TSPAN11: variants seen among roughly 807,000 people sequenced by gnomAD.
The protein encoded by TSPAN11 is tetraspanin 11.
A neutral mutation model predicts 32.9 loss-of-function variants in TSPAN11; 29 were observed. That is an observed-to-expected ratio of 0.88 (90% CI 0.66 to 1.20). The LOEUF (loss-of-function observed/expected upper bound fraction) is 1.20. Among genes scored for constraint, TSPAN11 ranks in the 50% most tolerant of loss-of-function variants. The probability of loss-of-function intolerance (pLI) is 0.00; values close to 1 mark genes in which losing one functional copy is unlikely to be tolerated. For missense variants in TSPAN11, 283 were observed against 329.1 expected, an observed-to-expected ratio of 0.86 and a Z score of 1.08; for synonymous variants, 140 against 141.3, an observed-to-expected ratio of 0.99 and a Z score of 0.07.
intron 7 of TSPAN11, among the ~76,000 whole-genome samples, chr12:30,985,091 T>A (rs1036818332): frequency 1.3e-5 from 2 of 152,032 alleles, no homozygotes; most frequent in Non-Finnish European, 2.9e-5. Flanking sequence ...ACCCACATCA[T>A]CTGTGGGCCT....
chr12:30,936,360 T>A (rs927995604), intron 1 of TSPAN11, among the ~76,000 whole-genome samples: 7 of 152,230 alleles, frequency 4.6e-5, no homozygotes, highest in Non-Finnish European at 1.0e-4. Context: ...TTTTCTTCAT[T>A]CTTTTTCTTT....
At chr12:30,998,569 G>A (rs367625873), downstream of TSPAN11, among the ~76,000 whole-genome samples, 12 of 152,258 alleles carry the variant, frequency 7.9e-5, no homozygotes, top group African/African-American at 2.9e-4. Context: ...GGCTTGAGCA[G>A]AAAGGGGAGG....
intron 3 of TSPAN11, among the ~76,000 whole-genome samples, chr12:30,969,463 T>A (rs539107564): frequency 1.3e-5 from 2 of 152,230 alleles, no homozygotes; most frequent in Non-Finnish European, 2.9e-5. Flanking sequence ...GCGTGGCTTA[T>A]GCAGTGCAGG....
At chr12:30,937,067 G>A (rs959214079) in intron 1 of TSPAN11, among the ~76,000 whole-genome samples, 1 of 152,172 alleles carries the variant, frequency 6.6e-6, no homozygotes, top group Admixed American at 6.5e-5. Flanking sequence ...GGGGAGAGAA[G>A]GCTTCAAAAG....
At chr12:31,003,193 G>A in the TSPAN11 span, among the ~76,000 whole-genome samples, 1 of 152,256 alleles carries the variant, frequency 6.6e-6, no homozygotes, top group South Asian at 2.1e-4. Context: ...CTGCCCCAAT[G>A]AGATCATAGT....
At chr12:30,976,620 C>T (rs1357542380) in intron 3 of TSPAN11, among the ~76,000 whole-genome samples, 1 of 152,206 alleles carries the variant, frequency 6.6e-6, no homozygotes, top group African/African-American at 2.4e-5. Flanking sequence ...CAACCACACT[C>T]CTCCCCAGGG....
At chr12:30,953,957 C>T in intron 1 of TSPAN11, 24 bp from the exon 2 acceptor site, 1 of 1,580,592 alleles carries the variant, frequency 6.3e-7, no homozygotes, top group Non-Finnish European at 8.7e-7. Flanking sequence ...ATTCCCCGGC[C>T]CAGCATATGT....
At chr12:30,946,603 C>A (rs1565790759) in intron 1 of TSPAN11, among the ~76,000 whole-genome samples, 1 of 152,180 alleles carries the variant, frequency 6.6e-6, no homozygotes, top group Non-Finnish European at 1.5e-5. Context: ...TTCCTGGGCA[C>A]CGGGTGCTGC....
chr12:30,981,344 A>C (rs749240969), intron 5 of TSPAN11, among the ~76,000 whole-genome samples: 1 of 152,236 alleles, frequency 6.6e-6, no homozygotes, highest in Non-Finnish European at 1.5e-5. Context: ...TGGTGGAAGC[A>C]GGTGTCTCTC....
chr12:30,945,247 A>T (rs1938243451), intron 1 of TSPAN11, among the ~76,000 whole-genome samples: 2 of 151,976 alleles, frequency 1.3e-5, no homozygotes, highest in South Asian at 4.2e-4. Context: ...TTATCAACAC[A>T]GGCCAGCATC....
At chr12:30,986,714 A>G (rs1024862373) in intron 7 of TSPAN11, 7 of 152,376 alleles carry the variant, frequency 4.6e-5, no homozygotes, top group African/African-American at 1.7e-4. Context: ...TAAGCAGAAT[A>G]TTTAATGAAG....
At position 30,983,220 on chromosome 12, in the gene TSPAN11, C is replaced by T. The variant is rs1244355515; in HGVS notation, c.702+70C>T. On this transcript the variant is annotated intron_variant, in intron 7 of 7. Coordinates refer to ENST00000546076, the MANE Select transcript of TSPAN11 (RefSeq NM_001370302.1). The stretch of plus-strand genomic sequence containing the variant: ...CCCCTCTCCCATTGACACAGGTCTT[C>T]AGTAACCACCTGGGCTGAAATAACT... 4 of 1,445,244 alleles carry T rather than the reference C, an allele frequency of 2.8e-6. No homozygotes were observed. The East Asian group carries it at 7.1e-5, about 26-fold the overall frequency. The allele number at this position is 1,445,244 out of a possible 1,614,324, so 89.5% of individuals were successfully genotyped here.
chr12:30,970,844 TTCTG>T (rs1938834423), intron 3 of TSPAN11, among the ~76,000 whole-genome samples: 1 of 152,202 alleles, frequency 6.6e-6, no homozygotes, highest in South Asian at 2.1e-4. Flanking sequence ...ATCCTCTCTT[TTCTG>T]CACAAATGGG....
At chr12:30,990,542 A>G (rs1201769353) in intron 7 of TSPAN11, among the ~76,000 whole-genome samples, 2 of 152,230 alleles carry the variant, frequency 1.3e-5, no homozygotes, top group East Asian at 3.8e-4. Context: ...CTGAGGCCCC[A>G]GGTGGATTAA....
intron 1 of TSPAN11, among the ~76,000 whole-genome samples, chr12:30,940,426 C>G (rs1201029812): frequency 6.6e-6 from 1 of 152,156 alleles, no homozygotes; most frequent in Non-Finnish European, 1.5e-5. Flanking sequence ...GGGCATGCCT[C>G]AGACTTCATT....
In TSPAN11 at chr12:30,982,630, C is replaced by T. The variant is rs1939116069; in HGVS notation, c.555C>T (p.Cys185=). 1.2e-6 allele frequency: 2 copies of T among 1,612,318 alleles called. No homozygotes were observed. The highest frequency in any genetic ancestry group is 4.5e-5 in the East Asian group (2 of 44,840). Residue 185 remains cysteine, a synonymous_variant, in exon 6 of 8, where the codon TGC becomes TGT. Coordinates refer to ENST00000546076, the MANE Select transcript of TSPAN11 (RefSeq NM_001370302.1). ...AEGRQVPDSC[C]KTVVVRCGQR... is the part of the protein sequence containing the mutation. ...GCCGCCAGGTGCCCGACAGCTGCTG[C>T]AAGACAGTGGTGGTGCGCTGCGGCC...
intron 1 of TSPAN11, among the ~76,000 whole-genome samples, chr12:30,950,063 A>G (rs1182826248): frequency 6.6e-6 from 1 of 151,762 alleles, no homozygotes; most frequent in East Asian, 1.9e-4. Context: ...CCTCCTCTCT[A>G]TGCTGTTCAG....
chr12:31,009,524 G>A, the TSPAN11 span, among the ~76,000 whole-genome samples: 1 of 152,186 alleles, frequency 6.6e-6, no homozygotes, highest in Non-Finnish European at 1.5e-5. Context: ...GATATGGGCT[G>A]TGTGAGCCAT....
At chr12:30,971,196 A>G (rs920876463) in intron 3 of TSPAN11, among the ~76,000 whole-genome samples, 1 of 152,198 alleles carries the variant, frequency 6.6e-6, no homozygotes, top group Non-Finnish European at 1.5e-5. Flanking sequence ...AGGAAGCTTC[A>G]CAAACCCTAT....
Sources: gnomAD v4.1 joint callset for allele counts (sites outside exome capture counted in the v4.1 genomes callset) on GRCh38, gnomAD v4.1.1 for gene constraint, MANE v1.5 for transcripts, NCBI Gene and HGNC (gene_info 2026-07-23, HGNC 2026-07-21) for gene names.